The following NAV2 variants were observed in gnomAD, a reference collection of about 807,000 sequenced individuals.
NAV2 encodes neuron navigator 2.
A neutral mutation model predicts 223.2 loss-of-function variants in NAV2; 54 were observed. The observed-to-expected ratio is 0.24, with a 90% confidence interval of 0.19 to 0.30. The LOEUF (loss-of-function observed/expected upper bound fraction) is 0.30. Among genes scored for constraint, NAV2 ranks in the 10% least tolerant of loss-of-function variants. The probability of loss-of-function intolerance (pLI) is 1.00; values close to 1 mark genes in which losing one functional copy is unlikely to be tolerated. For missense variants in NAV2, 2,806 were observed against 3,147.5 expected, an observed-to-expected ratio of 0.89 and a Z score of 2.60; for synonymous variants, 1,279 against 1,239.3, an observed-to-expected ratio of 1.03 and a Z score of -0.67.
intron 1 of NAV2, among the ~76,000 whole-genome samples, chr11:19,621,292 C>T (rs1055801548): frequency 1.3e-5 from 2 of 152,138 alleles, no homozygotes. Flanking sequence ...GGTGGATTCC[C>T]TCTTTTTCTA....
At chr11:19,914,045 A>G (rs1359017316) in intron 6 of NAV2, among the ~76,000 whole-genome samples, 1 of 152,212 alleles carries the variant, frequency 6.6e-6, no homozygotes, top group Non-Finnish European at 1.5e-5. Context: ...TTTAATTTTC[A>G]GGAGTTTTGC....
intron 1 of NAV2, among the ~76,000 whole-genome samples, chr11:19,643,892 G>A (rs561855903): frequency 6.6e-6 from 1 of 152,196 alleles, no homozygotes; most frequent in Non-Finnish European, 1.5e-5. Context: ...TTGTGGTTTT[G>A]ATTTGCATTT....
intron 1 of NAV2, among the ~76,000 whole-genome samples, chr11:19,474,048 C>T (rs904936431): frequency 6.6e-6 from 1 of 152,188 alleles, no homozygotes; most frequent in African/African-American, 2.4e-5. Context: ...ACATAGCCCT[C>T]TCTAGAGCAC....
chr11:19,451,336 C>T (rs1303576670), intron 1 of NAV2, among the ~76,000 whole-genome samples: 2 of 152,202 alleles, frequency 1.3e-5, no homozygotes, highest in African/African-American at 4.8e-5. Flanking sequence ...CCCCAAGCAG[C>T]ACAGAGTTCG....
At position 20,074,711 on chromosome 11, in the gene NAV2, C is replaced by G. The variant is rs1053488428; in HGVS notation, c.4984-2841C>G. 2.1e-5 allele frequency among the ~76,000 whole-genome samples: 3 copies of G among 143,922 alleles called. No homozygotes were observed. The East Asian group carries it at 6.1e-4, about 29-fold the overall frequency. 94.4% of individuals were successfully genotyped at this position (143,922 alleles called of 152,430 possible). ...AATGGCCTTCTTTGTATCTTTTTATCTTTCTTGGTTTAAAGTCTGTTTTAT... is the reference window on the plus strand; with the variant it reads ...AATGGCCTTCTTTGTATCTTTTTATGTTTCTTGGTTTAAAGTCTGTTTTAT... On this transcript the variant is annotated intron_variant, in intron 22 of 37. Coordinates refer to ENST00000349880, the MANE Select transcript of NAV2 (RefSeq NM_145117.5).
chr11:20,112,623 G>A (rs1466238775), intron 36 of NAV2, among the ~76,000 whole-genome samples: 8 of 152,296 alleles, frequency 5.3e-5, no homozygotes, highest in South Asian at 4.1e-4. Context: ...GCGTCTCCCT[G>A]CTCTGGGTCT....
intron 1 of NAV2, among the ~76,000 whole-genome samples, chr11:19,659,682 G>T (rs1465713463): frequency 1.3e-5 from 2 of 152,142 alleles, no homozygotes; most frequent in Non-Finnish European, 2.9e-5. Context: ...GTGGACTCAA[G>T]ATGATTCATT....
At chr11:20,046,815 G>T (rs1404719475) in intron 14 of NAV2, among the ~76,000 whole-genome samples, 3 of 151,956 alleles carry the variant, frequency 2.0e-5, no homozygotes, top group Non-Finnish European at 4.4e-5. Flanking sequence ...ATATCCACTG[G>T]ACCATTCTCA....
At chr11:19,950,465 C>G (rs1033755217) in intron 10 of NAV2, among the ~76,000 whole-genome samples, 1 of 152,260 alleles carries the variant, frequency 6.6e-6, no homozygotes, top group Non-Finnish European at 1.5e-5. Context: ...AGTGTACCAT[C>G]TTGCCAACGT....
chr11:19,793,635 C>A (rs1299981265), intron 1 of NAV2, among the ~76,000 whole-genome samples: 1 of 152,186 alleles, frequency 6.6e-6, no homozygotes, highest in Non-Finnish European at 1.5e-5. Flanking sequence ...TTCATTCTCC[C>A]CATAGGTGGC....
At chr11:19,385,820 G>A (rs997140343) in intron 1 of NAV2, among the ~76,000 whole-genome samples, 2 of 141,918 alleles carry the variant, frequency 1.4e-5, no homozygotes, top group Non-Finnish European at 3.0e-5. Context: ...GGAGTGCATT[G>A]GCACGATCTC....
intron 1 of NAV2, among the ~76,000 whole-genome samples, chr11:19,667,157 A>G (rs553479076): frequency 7.2e-5 from 11 of 152,326 alleles, no homozygotes; most frequent in African/African-American, 2.4e-4. Flanking sequence ...GGGTTCTCAG[A>G]GCCAGGGCCT....
At chr11:19,916,441 A>C (rs898789142) in intron 6 of NAV2, among the ~76,000 whole-genome samples, 1 of 152,258 alleles carries the variant, frequency 6.6e-6, no homozygotes, top group Admixed American at 6.5e-5. Flanking sequence ...GTTGCTGTTA[A>C]CTGGCTTAAA....
intron 1 of NAV2, among the ~76,000 whole-genome samples, chr11:19,635,791 A>G (rs1225228356): frequency 6.6e-6 from 1 of 152,206 alleles, no homozygotes; most frequent in Non-Finnish European, 1.5e-5. Context: ...ACTAGACCCT[A>G]TCTCCCAACA....
At chr11:19,965,356 C>T (rs1162683651) in intron 10 of NAV2, among the ~76,000 whole-genome samples, 2 of 152,148 alleles carry the variant, frequency 1.3e-5, no homozygotes, top group Non-Finnish European at 2.9e-5. Flanking sequence ...TTCTTTCCCC[C>T]AAACCTGTTT....
chr11:19,800,812 A>ACAT (rs2058208559), intron 1 of NAV2, among the ~76,000 whole-genome samples: 1 of 152,076 alleles, frequency 6.6e-6, no homozygotes, highest in Admixed American at 6.5e-5. Context: ...TGTGGAAGCA[A>ACAT]CATTGGGTTC....
chr11:19,472,958 G>A (rs145893075), intron 1 of NAV2, among the ~76,000 whole-genome samples: 2 of 152,310 alleles, frequency 1.3e-5, no homozygotes, highest in African/African-American at 2.4e-5. Flanking sequence ...CCTTTGTGCT[G>A]CAGGCCAGCA....
chr11:19,869,266 C>A (rs2062302045), intron 4 of NAV2, among the ~76,000 whole-genome samples: 1 of 152,154 alleles, frequency 6.6e-6, no homozygotes, highest in African/African-American at 2.4e-5. Context: ...CTTGCTTAAA[C>A]AATGCTGATT....
chr11:19,883,274 AT>A lies in NAV2; in HGVS notation c.770+3156del, dbSNP rs936029728. Among the ~76,000 whole-genome samples the A allele has an allele frequency of 1.2e-4, 18 of 151,822 alleles. 1 individual carries two copies. The highest frequency in any genetic ancestry group is 3.4e-3 in the Middle Eastern group (1 of 292). On this transcript the variant is annotated intron_variant, in intron 5 of 37. Transcript: ENST00000349880. ...TGGAAGTTGGCAAAGAAAATCTGAG[AT>A]TTTTTTTTGCTCCACTGGCATGAAG...
Sources: allele counts gnomAD v4.1 joint callset (sites outside exome capture counted in the v4.1 genomes callset), GRCh38; gene constraint gnomAD v4.1.1; transcripts MANE v1.5; gene names NCBI Gene and HGNC (gene_info 2026-07-23, HGNC 2026-07-21).